Variants in DPYSL4 observed in about 807,000 individuals in gnomAD.
DPYSL4 encodes dihydropyrimidinase like 4.
A neutral mutation model predicts 63.4 loss-of-function variants in DPYSL4; 43 were observed. That is an observed-to-expected ratio of 0.68 (90% CI 0.53 to 0.88). DPYSL4 has a LOEUF of 0.88. DPYSL4 is among the 40% of genes least tolerant of loss of function. DPYSL4 has a pLI of 0.00. For synonymous variants in DPYSL4, 353 were observed against 331.7 expected (o/e 1.06, Z -0.70); for missense variants, 733 against 819.5 (o/e 0.89, Z 1.29).
chr10:132,200,254 A>G, intron 8 of DPYSL4, 102 bp from the exon 9 acceptor site: 1 of 1,437,088 alleles, frequency 7.0e-7, no homozygotes, highest in Non-Finnish European at 9.6e-7. Context: ...GTCCCAGGCA[A>G]GGAAAGTGAG....
chr10:132,187,144 C>T, intron 1 of DPYSL4, 42 bp downstream of exon 1: 1 of 1,480,382 alleles, frequency 6.8e-7, no homozygotes, highest in Non-Finnish European at 9.1e-7. Flanking sequence ...CTGCCCGCCG[C>T]CCGGAGTGGG....
In DPYSL4 at chr10:132,195,144, A is replaced by T. The variant is rs187541081; in HGVS notation, c.478+135A>T. The T allele has an allele frequency of 7.4e-3, 7,744 of 1,049,418 alleles. 118 individuals carry two copies. The highest frequency in any genetic ancestry group is 0.037 in the South Asian group (2,082 of 56,930). The allele number at this position is 1,049,418 out of a possible 1,614,324, so 65.0% of individuals were successfully genotyped here. On this transcript the variant is annotated intron_variant, in intron 4 of 13. Transcript: ENST00000338492. ...CAGGTTTGAGTGGAAGTTGGAGAAA[A>T]GTCATTTGAAGGCCCATCCCACCTT...
In DPYSL4 at chr10:132,193,947, A is replaced by G. The variant is rs1000329989; in HGVS notation, c.314-898A>G. Among the ~76,000 whole-genome samples the G allele has an allele frequency of 2.6e-5, 4 of 152,248 alleles. 1 individual carries two copies. The highest frequency in any genetic ancestry group is 1.3e-4 in the Admixed American group (2 of 15,288). On this transcript the variant is annotated intron_variant, in intron 3 of 13. Coordinates refer to ENST00000338492, the MANE Select transcript of DPYSL4 (RefSeq NM_006426.3). The stretch of plus-strand genomic sequence containing the variant: ...ATCTTGCAGTCTGAGGAGACTGGCC[A>G]CTGCTCGCGCCCTTCAGGGGGCGGC...
At position 132,196,848 on chromosome 10, in the gene DPYSL4, G is replaced by A. The variant is rs1408595915; in HGVS notation, c.479-13G>A. 1.2e-6 allele frequency: 2 copies of A among 1,613,460 alleles called. No homozygotes were observed. The highest frequency in any genetic ancestry group is 4.5e-5 in the East Asian group (2 of 44,902). Reference sequence around the variant, plus strand: ...GGTGATGGCTGAGCCTCTGACCCCTGCCTCTTCTCCAGGTGTGAACTCCTT... The same window carrying A: ...GGTGATGGCTGAGCCTCTGACCCCTACCTCTTCTCCAGGTGTGAACTCCTT... On this transcript the variant is annotated splice_polypyrimidine_tract_variant and intron_variant, in intron 4 of 13. Coordinates refer to ENST00000338492, the MANE Select transcript of DPYSL4 (RefSeq NM_006426.3).
At chr10:132,190,440 A>G (rs1230208972) in intron 1 of DPYSL4, among the ~76,000 whole-genome samples, 1 of 152,242 alleles carries the variant, frequency 6.6e-6, no homozygotes, top group Non-Finnish European at 1.5e-5. Context: ...TCCTCAATCC[A>G]GTGGTAAATC....
chr10:132,191,841 A>C (rs2061882952), intron 2 of DPYSL4, among the ~76,000 whole-genome samples: 1 of 86,006 alleles, frequency 1.2e-5, no homozygotes, highest in African/African-American at 4.1e-5. Flanking sequence ...CAGGCAGTTG[A>C]AAGTATGTTC....
At chr10:132,197,127 G>A in intron 6 of DPYSL4, 26 bp downstream of exon 6, 1 of 1,473,516 alleles carries the variant, frequency 6.8e-7, no homozygotes, top group East Asian at 2.5e-5. Context: ...GCTGCCGTGG[G>A]GCAGGCACAG....
rs199784711 is a variant in DPYSL4, at chr10:132,190,947, C to T, written c.128+112C>T. The T allele has an allele frequency of 1.3e-3, 1,226 of 953,822 alleles. 14 individuals carry two copies. In the South Asian group the frequency reaches 0.016, roughly 12 times the overall value. 59.1% of individuals were successfully genotyped at this position (953,822 alleles called of 1,614,324 possible). On this transcript the variant is annotated intron_variant, in intron 2 of 13. Transcript: ENST00000338492. ...CCAGCTCGTGTGTACACGCTGGTCACGTGGTATCCAGGCAGGTGAAAGTAT... is the reference window on the plus strand; with the variant it reads ...CCAGCTCGTGTGTACACGCTGGTCATGTGGTATCCAGGCAGGTGAAAGTAT...
At chr10:132,190,994 G>A (rs573993303) in intron 2 of DPYSL4, among the ~76,000 whole-genome samples, 159 bp downstream of exon 2, 8 of 144,246 alleles carry the variant, frequency 5.5e-5, no homozygotes, top group East Asian at 2.1e-4. Flanking sequence ...GTGTGTACAC[G>A]CTGGCCACGT....
intron 6 of DPYSL4, among the ~76,000 whole-genome samples, chr10:132,198,083 C>T (rs1488386048): frequency 6.6e-6 from 1 of 152,218 alleles, no homozygotes; most frequent in Non-Finnish European, 1.5e-5. Context: ...TGCCTGTGCA[C>T]ACCCCCACAC....
chr10:132,192,077 T>C (rs200010901), intron 2 of DPYSL4, among the ~76,000 whole-genome samples: 1 of 142,670 alleles, frequency 7.0e-6, no homozygotes. Context: ...TTCCCAGCTC[T>C]TGTGTACACA....
chr10:132,202,183 A>C lies in DPYSL4; in HGVS notation c.1281+67A>C, dbSNP rs2062027240. On this transcript the variant is annotated intron_variant, in intron 11 of 13. Transcript: ENST00000338492. ...GCCGGGACCCCAGGGCAGCCTTCCC[A>C]GGAGAGGCGCAGGACAGAGGCCCAC... 3.8e-6 allele frequency: 6 copies of C among 1,561,622 alleles called. No homozygotes were observed. The South Asian group carries it at 6.0e-5, about 16-fold the overall frequency.
intron 6 of DPYSL4, among the ~76,000 whole-genome samples, chr10:132,198,194 C>G (rs542313219): frequency 2.6e-5 from 4 of 152,278 alleles, no homozygotes; most frequent in Admixed American, 2.6e-4. Context: ...GAGCCACTTT[C>G]CCCTATCCGA....
Position 132,190,731 on chromosome 10 carries a change from T to A in DPYSL4, c.40-16T>A. The A allele has an allele frequency of 6.2e-7, 1 of 1,607,730 alleles. No homozygotes were observed. Among genetic ancestry groups the A allele is most frequent in the South Asian group, 1.1e-5 (1 of 90,858 alleles). On this transcript the variant is annotated splice_polypyrimidine_tract_variant and intron_variant, in intron 1 of 13. Coordinates refer to ENST00000338492, the MANE Select transcript of DPYSL4 (RefSeq NM_006426.3). The stretch of plus-strand genomic sequence containing the variant: ...ACTCAGTTTGGAGAAAAATTACCCT[T>A]TGTTGTTCCCGATAGAGTGACCGCC...
At chr10:132,201,572 C>T (rs2062017959) in intron 10 of DPYSL4, among the ~76,000 whole-genome samples, 1 of 152,228 alleles carries the variant, frequency 6.6e-6, no homozygotes, top group Non-Finnish European at 1.5e-5. Context: ...GAGATGGGCT[C>T]CCTGACTCAC....
rs2061864241 is a variant in DPYSL4, at chr10:132,190,830, G to C, written c.123G>C (p.Leu41Phe). 6.2e-7 allele frequency: 1 copy of C among 1,612,846 alleles called. No homozygotes were observed. The highest frequency in any genetic ancestry group is 8.5e-7 in the Non-Finnish European group (1 of 1,179,286). The change falls in exon 2 of 14, where the codon TTG (leucine) becomes TTC (phenylalanine). Residue 41 changes from leucine (L) to phenylalanine (F), a missense_variant. Leu to Phe is a conservative substitution (Grantham distance 22). Coordinates refer to ENST00000338492, the MANE Select transcript of DPYSL4 (RefSeq NM_006426.3). ...FYADVHVEDG[L>F]IKQIGENLIV... ...CTGATGTGCACGTGGAAGATGGCTT[G>C]ATAAAGTAAGTTTCCGCCGAAAATG...
chr10:132,187,357 CCGGGCCCTG>C (rs1426675872), intron 1 of DPYSL4, among the ~76,000 whole-genome samples: 4 of 28,946 alleles, frequency 1.4e-4, no homozygotes, highest in East Asian at 0.01. Context: ...CCCGGCCCTG[CCGGGCCCTG>C]CCGGGCCCTG....
intron 12 of DPYSL4, among the ~76,000 whole-genome samples, chr10:132,203,202 GGACA>G (rs2137525363): frequency 6.6e-6 from 1 of 152,302 alleles, no homozygotes; most frequent in South Asian, 2.1e-4. Context: ...GATTCCCCAT[GGACA>G]GACGTGCACG....
Position 132,196,918 on chromosome 10 carries a change from G to C in DPYSL4, c.536G>C (p.Ser179Thr), listed in dbSNP as rs1269604555. The stretch of plus-strand genomic sequence containing the variant: ...AAGGACCGGTGCCAGTGCAGCGACA[G>C]CCAGGTAAGGGCAGGCGTGGGGAAC... ...AYKDRCQCSDSQMYEIFSIIR... is the reference protein window; with the variant it reads ...AYKDRCQCSDTQMYEIFSIIR... Residue 179 changes from serine to threonine, a missense_variant, in exon 5 of 14, where the codon AGC (serine) becomes ACC (threonine). Physicochemically the swap from Ser to Thr is moderately conservative, Grantham distance 58. Transcript: ENST00000338492. 1 of 1,608,352 alleles carries C rather than the reference G, an allele frequency of 6.2e-7. No homozygotes were observed. The highest frequency in any genetic ancestry group is 1.7e-5 in the Admixed American group (1 of 59,506).
Sources: allele counts gnomAD v4.1 joint callset (sites outside exome capture counted in the v4.1 genomes callset), GRCh38; gene constraint gnomAD v4.1.1; transcripts MANE v1.5; gene names NCBI Gene and HGNC (gene_info 2026-07-23, HGNC 2026-07-21).